PCDH15: variants seen among roughly 807,000 people sequenced by gnomAD.
PCDH15 encodes protocadherin related 15.
In PCDH15, 129 loss-of-function variants were observed where a neutral mutation model predicts 178.5. That is an observed-to-expected ratio of 0.72 (90% CI 0.63 to 0.84). PCDH15 has a LOEUF of 0.84. Ranked by LOEUF, PCDH15 falls within the 40% of genes least tolerant of loss-of-function variation. The probability of loss-of-function intolerance (pLI) is 0.00; values close to 1 mark genes in which losing one functional copy is unlikely to be tolerated. For missense variants in PCDH15, 2,230 were observed against 2,099.9 expected (o/e 1.06, Z -1.21); for synonymous variants, 800 against 732.0 (o/e 1.09, Z -1.50).
At chr10:54,662,572 T>C (rs1041557087) in intron 2 of PCDH15, among the ~76,000 whole-genome samples, 4 of 151,976 alleles carry the variant, frequency 2.6e-5, no homozygotes, top group Non-Finnish European at 5.9e-5. Context: ...AATGCAAATA[T>C]ATTTATAAGA....
rs180848432 is a variant in PCDH15, at chr10:54,563,017, G to C, written c.92-35140C>G. Among the ~76,000 whole-genome samples, 6 of 152,204 alleles carry C rather than the reference G, an allele frequency of 3.9e-5. No individual in the cohort carries two copies. In the East Asian group the frequency reaches 1.2e-3, roughly 29 times the overall value. On this transcript the variant is annotated intron_variant, in intron 2 of 37. Transcript: ENST00000644397. The stretch of plus-strand genomic sequence containing the variant: ...TTAAATGTTTATTTACTCATGTATA[G>C]GAGATAAAAGATAGTGAATTCTTAG...
intron 2 of PCDH15, among the ~76,000 whole-genome samples, chr10:55,592,631 T>A (rs781712287): frequency 1.3e-5 from 2 of 152,142 alleles, no homozygotes; most frequent in Non-Finnish European, 2.9e-5. Context: ...ACATCAGTTA[T>A]CTTTTGGAAA....
intron 2 of PCDH15, among the ~76,000 whole-genome samples, chr10:55,081,332 C>T (rs1293587909): frequency 6.6e-6 from 1 of 152,150 alleles, no homozygotes; most frequent in Non-Finnish European, 1.5e-5. Flanking sequence ...CAGCTTGAAA[C>T]AATCTCCTCT....
chr10:55,112,638 C>A (rs1376517648), intron 2 of PCDH15, among the ~76,000 whole-genome samples: 1 of 152,094 alleles, frequency 6.6e-6, no homozygotes, highest in Non-Finnish European at 1.5e-5. Context: ...CAGGAACAGG[C>A]ATGTGCATTA....
At chr10:54,616,044 AT>A (rs1052144051) in intron 2 of PCDH15, among the ~76,000 whole-genome samples, 1 of 152,128 alleles carries the variant, frequency 6.6e-6, no homozygotes, top group African/African-American at 2.4e-5. Context: ...AAATTATCTC[AT>A]TTTTTTGAGT....
intron 2 of PCDH15, among the ~76,000 whole-genome samples, chr10:54,920,529 CAT>C (rs372857593): frequency 2.1e-5 from 3 of 141,312 alleles, no homozygotes; most frequent in African/African-American, 7.9e-5. Context: ...GCGATCAGGA[CAT>C]GTGTGACTGT....
chr10:54,552,716 G>C (rs745533294), intron 2 of PCDH15, among the ~76,000 whole-genome samples: 4 of 152,168 alleles, frequency 2.6e-5, no homozygotes, highest in Non-Finnish European at 5.9e-5. Context: ...TGTAAAAGTA[G>C]TATTAACTAT....
At chr10:55,114,545 C>G (rs562214187) in intron 2 of PCDH15, among the ~76,000 whole-genome samples, 3 of 152,262 alleles carry the variant, frequency 2.0e-5, no homozygotes, top group Non-Finnish European at 2.9e-5. Flanking sequence ...TTTCCAGCTC[C>G]CTTGTAGCTA....
At chr10:55,352,220 CT>C (rs34377065) in intron 2 of PCDH15, among the ~76,000 whole-genome samples, 7 of 152,010 alleles carry the variant, frequency 4.6e-5, no homozygotes, top group African/African-American at 1.7e-4. Flanking sequence ...GTGTTTATCA[CT>C]TTTTTTGCTA....
intron 9 of PCDH15, among the ~76,000 whole-genome samples, chr10:54,225,660 C>A (rs1327660051): frequency 6.6e-6 from 1 of 152,108 alleles, no homozygotes; most frequent in Non-Finnish European, 1.5e-5. Context: ...ACTGGGGTAA[C>A]CCCTAAAATA....
intron 1 of PCDH15, among the ~76,000 whole-genome samples, chr10:55,221,767 T>C (rs947294457): frequency 6.6e-6 from 1 of 152,102 alleles, no homozygotes; most frequent in African/African-American, 2.4e-5. Flanking sequence ...ACACCATAGA[T>C]ATGGTAAAAT....
chr10:54,993,629 G>C (rs1416863655), intron 2 of PCDH15, among the ~76,000 whole-genome samples: 1 of 151,966 alleles, frequency 6.6e-6, no homozygotes, highest in Non-Finnish European at 1.5e-5. Context: ...AGGTAAAAAA[G>C]TAGTAATACG....
chr10:54,842,313 G>T (rs1953433676), intron 3 of PCDH15, among the ~76,000 whole-genome samples: 1 of 151,656 alleles, frequency 6.6e-6, no homozygotes, highest in Admixed American at 6.6e-5. Context: ...TTAACTATTA[G>T]CACCCTTTCT....
At chr10:54,254,144 A>C (rs1421681994) in intron 8 of PCDH15, among the ~76,000 whole-genome samples, 1 of 152,110 alleles carries the variant, frequency 6.6e-6, no homozygotes, top group African/African-American at 2.4e-5. Flanking sequence ...GTTTCTTGGT[A>C]TTTAAAATTG....
At chr10:54,694,810 A>G (rs1156875955) in intron 1 of PCDH15, among the ~76,000 whole-genome samples, 1 of 152,098 alleles carries the variant, frequency 6.6e-6, no homozygotes, top group Non-Finnish European at 1.5e-5. Context: ...TAATAATTGT[A>G]CAGTGGTCTC....
Position 54,020,404 on chromosome 10 carries a change from C to T in PCDH15, c.2539G>A (p.Asp847Asn), listed in dbSNP as rs751941551. 23 of 1,613,438 alleles carry T rather than the reference C, an allele frequency of 1.4e-5. No individual in the cohort carries two copies. Among genetic ancestry groups the T allele is most frequent in the African/African-American group, 2.7e-5 (2 of 74,818 alleles). The change falls in exon 20 of 38, where the codon GAC (aspartate) becomes AAC (asparagine). Residue 847 changes from aspartate (D) to asparagine (N), a missense_variant. Asp to Asn is a conservative substitution (Grantham distance 23). Transcript: ENST00000644397. ...TILQIEAKDV[D>N]LGANVSYRIR... ...CGGTAAGACACATTTGCTCCAAGGT[C>T]GACATCTTTGGCCTGTAATAAGCAG...
chr10:54,459,685 G>T (rs2077051064), intron 3 of PCDH15, among the ~76,000 whole-genome samples: 1 of 152,180 alleles, frequency 6.6e-6, no homozygotes, highest in African/African-American at 2.4e-5. Flanking sequence ...TTCCAAGAAA[G>T]AATAATTTCT....
chr10:55,600,852 T>C (rs1449147374), intron 2 of PCDH15, among the ~76,000 whole-genome samples: 1 of 152,056 alleles, frequency 6.6e-6, no homozygotes, highest in Non-Finnish European at 1.5e-5. Flanking sequence ...GCATTGCCCT[T>C]CTCCTTTTTT....
chr10:55,228,388 G>A (rs528816812), intron 1 of PCDH15, among the ~76,000 whole-genome samples: 1 of 151,950 alleles, frequency 6.6e-6, no homozygotes, highest in Non-Finnish European at 1.5e-5. Context: ...AACCAGTATA[G>A]GAGTAGTATG....
Sources: allele counts gnomAD v4.1 joint callset (sites outside exome capture counted in the v4.1 genomes callset), GRCh38; gene constraint gnomAD v4.1.1; transcripts MANE v1.5; gene names NCBI Gene and HGNC (gene_info 2026-07-23, HGNC 2026-07-21).